Variants in DAPK2 observed in about 807,000 individuals in gnomAD.
DAPK2 encodes the protein death-associated protein kinase 2.
In DAPK2, 35 loss-of-function variants were observed where a neutral mutation model predicts 44.1. The ratio of observed to expected loss-of-function variants is 0.79; its 90% CI spans 0.61 to 1.05. The LOEUF is 1.05. Among genes scored for constraint, DAPK2 ranks in the 50% least tolerant of loss-of-function variants. The pLI is 0.00. For synonymous variants in DAPK2, 174 were observed against 182.6 expected (o/e 0.95, Z 0.38); for missense variants, 453 against 483.2 (o/e 0.94, Z 0.59).
At chr15:64,014,153 G>A (rs1356922350) in intron 1 of DAPK2, among the ~76,000 whole-genome samples, 1 of 152,204 alleles carries the variant, frequency 6.6e-6, no homozygotes, top group South Asian at 2.1e-4. Flanking sequence ...TGCTTTACAG[G>A]GAAAAGCATG....
chr15:63,941,385 A>G (rs2077303119), intron 3 of DAPK2, among the ~76,000 whole-genome samples: 1 of 152,144 alleles, frequency 6.6e-6, no homozygotes. Context: ...TGTTTTTATC[A>G]TAGCTCCCCT....
At chr15:63,991,369 C>T (rs986959433) in intron 1 of DAPK2, 3 of 455,718 alleles carry the variant, frequency 6.6e-6, no homozygotes, top group Non-Finnish European at 8.8e-6. Flanking sequence ...CAGAAGAGGG[C>T]ACAGGGCTGC....
At chr15:64,044,926 C>A (rs937255280), upstream of DAPK2, among the ~76,000 whole-genome samples, 1 of 152,194 alleles carries the variant, frequency 6.6e-6, no homozygotes, top group African/African-American at 2.4e-5. Context: ...AGGCTGCCAA[C>A]AGAAGGGATG....
At position 63,916,308 on chromosome 15, in the gene DAPK2, A is replaced by C. The variant is rs1034114914; in HGVS notation, c.859-4111T>G. ...CTTTACTGAAGAGGCGACTCCCCCA[A>C]CTCCACCCCCCACACAACGATTTTC... On this transcript the variant is annotated intron_variant, in intron 8 of 10. Transcript: ENST00000261891. The surrounding 1 kb of genome is among the most constrained non-coding windows in gnomAD (Gnocchi z 4.7). The C allele has an allele frequency of 2.6e-5, 4 of 151,312 alleles. No homozygotes were observed. The highest frequency in any genetic ancestry group is 9.8e-5 in the African/African-American group (4 of 40,970). 9.4% of individuals were successfully genotyped at this position (151,312 alleles called of 1,614,324 possible). A position where few individuals can be genotyped will look rare whatever the true frequency, so the allele number is the denominator to read the frequency against.
At chr15:63,952,544 G>A (rs2034099) in intron 3 of DAPK2, among the ~76,000 whole-genome samples, 136,235 of 152,134 alleles carry the variant, frequency 0.9, 61,868 homozygotes, top group East Asian at 1. Context: ...CTAAGGCAGT[G>A]CAAGAAAGGC....
chr15:64,045,664 G>A (rs2141242686), intron 1 of DAPK2, among the ~76,000 whole-genome samples: 1 of 152,300 alleles, frequency 6.6e-6, no homozygotes, highest in South Asian at 2.1e-4. Flanking sequence ...TACGGTGAGG[G>A]TTAGCCAGAC....
chr15:63,948,793 C>T (rs2077516559), intron 3 of DAPK2, among the ~76,000 whole-genome samples: 1 of 152,162 alleles, frequency 6.6e-6, no homozygotes, highest in Non-Finnish European at 1.5e-5. Context: ...TCACAGTTTA[C>T]AAAGAAGTCA....
chr15:63,930,589 G>T, intron 4 of DAPK2, 134 bp from the exon 6 acceptor site: 1 of 789,662 alleles, frequency 1.3e-6, no homozygotes, highest in Non-Finnish European at 2.1e-6. Context: ...GCAGATAAAG[G>T]TGATCTGCAT....
At chr15:63,998,869 C>A (rs571483018) in intron 1 of DAPK2, among the ~76,000 whole-genome samples, 2 of 152,278 alleles carry the variant, frequency 1.3e-5, no homozygotes, top group South Asian at 4.1e-4. Flanking sequence ...AGAGCAAGCA[C>A]CGGGAACACA....
intron 1 of DAPK2, among the ~76,000 whole-genome samples, chr15:64,021,339 C>T (rs1022206164): frequency 6.6e-6 from 1 of 152,212 alleles, no homozygotes; most frequent in Non-Finnish European, 1.5e-5. Flanking sequence ...TCAAGCAGCT[C>T]TGCACACTTG....
chr15:63,995,771 T>C (rs961575108), intron 1 of DAPK2, among the ~76,000 whole-genome samples: 1 of 152,196 alleles, frequency 6.6e-6, no homozygotes, highest in Non-Finnish European at 1.5e-5. Flanking sequence ...CATTGGAGGG[T>C]GAGCAGGTCC....
chr15:63,947,584 T>C lies in DAPK2; in HGVS notation c.454-8223A>G, dbSNP rs181192490. Reference sequence around the variant, plus strand: ...CAGCAGCCTGACACTGGGCAAGTTATTGAACCTCTCTCAGCATAGGTTTCT... The same window carrying C: ...CAGCAGCCTGACACTGGGCAAGTTACTGAACCTCTCTCAGCATAGGTTTCT... On this transcript the variant is annotated intron_variant, in intron 3 of 10. Transcript: ENST00000261891. Among the ~76,000 whole-genome samples the C allele has an allele frequency of 6.6e-5, 10 of 152,344 alleles. No individual in the cohort carries two copies. In the East Asian group the frequency reaches 1.9e-3, roughly 29 times the overall value.
upstream of DAPK2, among the ~76,000 whole-genome samples, chr15:64,042,199 T>C (rs1194313897): frequency 1.3e-5 from 2 of 152,128 alleles, no homozygotes; most frequent in Admixed American, 6.5e-5. This position sits in a 1 kb window ranked among gnomAD's most constrained non-coding sequence, Gnocchi z 4.7. Flanking sequence ...AAGATGATTA[T>C]TACTGTGATT....
intron 2 of DAPK2, among the ~76,000 whole-genome samples, chr15:63,978,599 C>G (rs2078418832): frequency 6.6e-6 from 1 of 152,186 alleles, no homozygotes. Flanking sequence ...CTGCCACTGT[C>G]TAGGCCCTGG....
upstream of DAPK2, among the ~76,000 whole-genome samples, chr15:64,043,325 T>C (rs1477893321): frequency 6.6e-6 from 1 of 152,248 alleles, no homozygotes; most frequent in African/African-American, 2.4e-5. Flanking sequence ...GCAATACTAT[T>C]AGTAATAACT....
At chr15:63,983,891 C>T in intron 1 of DAPK2, 137 bp from the exon 3 acceptor site, 2 of 803,946 alleles carry the variant, frequency 2.5e-6, no homozygotes, top group Admixed American at 2.2e-5. Context: ...GTCTGCATCC[C>T]CACCTGATGA....
At chr15:63,982,559 A>T (rs1270699100) in intron 2 of DAPK2, among the ~76,000 whole-genome samples, 2 of 152,112 alleles carry the variant, frequency 1.3e-5, no homozygotes, top group Non-Finnish European at 2.9e-5. Flanking sequence ...ACCCAACTCA[A>T]ACTCTATTGT....
At chr15:63,933,596 A>AT (rs57997935) in intron 4 of DAPK2, among the ~76,000 whole-genome samples, 11,388 of 118,140 alleles carry the variant, frequency 0.096, 830 homozygotes, top group African/African-American at 0.21. Context: ...GGACAGATTG[A>AT]TTTTTTTTTT....
At chr15:63,938,374 G>A (rs2077218843) in intron 4 of DAPK2, among the ~76,000 whole-genome samples, 1 of 152,224 alleles carries the variant, frequency 6.6e-6, no homozygotes. Context: ...ATAGTGCCTG[G>A]CACACAGCAA....
Sources: allele counts gnomAD v4.1 joint callset (sites outside exome capture counted in the v4.1 genomes callset), GRCh38; gene constraint gnomAD v4.1.1; non-coding constraint Gnocchi (gnomAD v3.1); transcripts MANE v1.5; gene names NCBI Gene and HGNC (gene_info 2026-07-23, HGNC 2026-07-21).